PTP4A1: variants seen among roughly 807,000 people sequenced by gnomAD.
The protein encoded by PTP4A1 is protein tyrosine phosphatase 4A1.
A neutral mutation model predicts 20.5 loss-of-function variants in PTP4A1; 9 were observed. The ratio of observed to expected loss-of-function variants is 0.44; its 90% CI spans 0.26 to 0.77. PTP4A1 has a LOEUF of 0.77. Ranked by LOEUF, PTP4A1 falls within the 30% of genes least tolerant of loss-of-function variation. The probability of loss-of-function intolerance (pLI) is 0.19; values close to 1 mark genes in which losing one functional copy is unlikely to be tolerated. For missense variants in PTP4A1, 137 were observed against 218.8 expected (o/e 0.63, Z 2.36); for synonymous variants, 78 against 67.4 (o/e 1.16, Z -0.77).
At chr6:63,545,615 A>C (rs1451474265) in intron 2 of PTP4A1, among the ~76,000 whole-genome samples, 1 of 152,156 alleles carries the variant, frequency 6.6e-6, no homozygotes, top group Admixed American at 6.5e-5. Flanking sequence ...TGTCTCAAAA[A>C]AAAAAAGGAA....
intron 2 of PTP4A1, among the ~76,000 whole-genome samples, chr6:63,537,147 T>A (rs1775762157): frequency 6.6e-6 from 1 of 152,218 alleles, no homozygotes. Context: ...AGAATAATGT[T>A]CTTAACCATT....
In PTP4A1 at chr6:63,572,490, G is replaced by T. The variant is rs943637330; in HGVS notation, c.-675G>T. ...TTGTGACGCAAGGGCGCCTCGGCGC[G>T]TGTATTGGCTCCTTCGGCTGCGGGC... is the stretch of plus-strand genomic sequence containing the variant. On this transcript the variant is annotated 5_prime_UTR_variant, in exon 1 of 6. Transcript: ENST00000626021. 2 of 387,712 alleles carry T rather than the reference G, an allele frequency of 5.2e-6. No homozygotes were observed. Among genetic ancestry groups the T allele is most frequent in the Non-Finnish European group, 4.6e-6 (1 of 219,154 alleles). The allele number at this position is 387,712 out of a possible 1,614,324, so 24.0% of individuals were successfully genotyped here. A position where few individuals can be genotyped will look rare whatever the true frequency, so the allele number is the denominator to read the frequency against.
rs552930110 is a variant in PTP4A1 at position 63,565,072 on chromosome 6, A to G, written c.-445-11364A>G. Among the ~76,000 whole-genome samples, 3 of 152,238 alleles carry G rather than the reference A, an allele frequency of 2.0e-5. No individual in the cohort carries two copies. In the East Asian group the frequency reaches 5.8e-4, roughly 29 times the overall value. On this transcript the variant is annotated intron_variant, in intron 3 of 3. Transcript: ENST00000639568. ...GTTGCCCCAGATGGAGTGCAGTGGCATGATCACAGCTCACTGCAGCCCTAA... is the reference window on the plus strand; with the variant it reads ...GTTGCCCCAGATGGAGTGCAGTGGCGTGATCACAGCTCACTGCAGCCCTAA...
chr6:63,562,391 G>A (rs1048698433), intron 3 of PTP4A1, among the ~76,000 whole-genome samples: 24 of 151,758 alleles, frequency 1.6e-4, no homozygotes, highest in Non-Finnish European at 3.1e-4. Flanking sequence ...TAGAGACAGC[G>A]TTTCTCCATG....
chr6:63,579,229 CTATT>C (rs755656979), intron 4 of PTP4A1, 24 bp from the exon 5 acceptor site: 120 of 1,569,748 alleles, frequency 7.6e-5, no homozygotes, highest in Middle Eastern at 3.4e-4. Context: ...TTTGAAAAAA[CTATT>C]TATCAAAATT....
At chr6:63,567,880 C>G (rs531605046), upstream of PTP4A1, among the ~76,000 whole-genome samples, 2 of 152,364 alleles carry the variant, frequency 1.3e-5, no homozygotes, top group South Asian at 4.1e-4. Flanking sequence ...GCACTTACTG[C>G]TTCACCTTTC....
At chr6:63,540,842 CA>C (rs552657579) in intron 2 of PTP4A1, among the ~76,000 whole-genome samples, 179 of 132,738 alleles carry the variant, frequency 1.3e-3, no homozygotes, top group African/African-American at 2.2e-3. Flanking sequence ...GCTGAAAATA[CA>C]AAAAAAAAAA....
At chr6:63,573,828 T>A (rs911925780) in intron 1 of PTP4A1, among the ~76,000 whole-genome samples, 26 of 152,288 alleles carry the variant, frequency 1.7e-4, no homozygotes, top group Admixed American at 1.5e-3. Context: ...GGACTTCCCG[T>A]CCGGGCACCA....
Position 63,572,654 on chromosome 6 carries a change from T to C in PTP4A1, c.-511T>C. 2.4e-6 allele frequency: 1 copy of C among 411,886 alleles called. No individual in the cohort carries two copies. The highest frequency in any genetic ancestry group is 1.1e-4 in the South Asian group (1 of 9,182). The allele number at this position is 411,886 out of a possible 1,614,324, so 25.5% of individuals were successfully genotyped here. ...GCCCTGCAGCCACCGCCACCGCCTG[T>C]GTCGCCGCCGCCTCGGGACCGGCTG... On this transcript the variant is annotated 5_prime_UTR_variant, in exon 1 of 6. Transcript: ENST00000626021.
chr6:63,534,178 A>G (rs1363763658), intron 2 of PTP4A1, among the ~76,000 whole-genome samples: 1 of 152,154 alleles, frequency 6.6e-6, no homozygotes, highest in East Asian at 1.9e-4. Flanking sequence ...ACTGCCATTC[A>G]TCACAAATTG....
At chr6:63,549,038 A>C (rs1268490716) in intron 2 of PTP4A1, 2 of 726,448 alleles carry the variant, frequency 2.8e-6, no homozygotes, top group Admixed American at 3.8e-5. Context: ...CGTCGTGTGC[A>C]ATCACCACCG....
exon 3 of PTP4A1, chr6:63,550,314 C>T (rs1258139040): frequency 1.3e-5 from 2 of 152,098 alleles, no homozygotes; most frequent in African/African-American, 4.8e-5. Context: ...GTGTGCCCGC[C>T]CTCTCTTTCT....
At chr6:63,534,690 G>A (rs949391361) in intron 2 of PTP4A1, among the ~76,000 whole-genome samples, 1 of 151,586 alleles carries the variant, frequency 6.6e-6, no homozygotes, top group Non-Finnish European at 1.5e-5. Context: ...GCTCATGCCT[G>A]TAACCCCAGC....
Position 63,581,900 on chromosome 6 carries a change from A to G in PTP4A1, c.*1726A>G, listed in dbSNP as rs952170773. ...GTTAAGTTTCCTTTAATGATCCACA[A>G]TAATCCCTTTGATCACGTTAATCTA... is the stretch of plus-strand genomic sequence containing the variant. On this transcript the variant is annotated 3_prime_UTR_variant, in exon 6 of 6. Coordinates refer to ENST00000626021, the MANE Select transcript of PTP4A1 (RefSeq NM_003463.5). The G allele has an allele frequency of 6.6e-6, 1 of 152,190 alleles. No homozygotes were observed. The highest frequency in any genetic ancestry group is 2.4e-5 in the African/African-American group (1 of 41,476). The allele number at this position is 152,190 out of a possible 1,614,324, so 9.4% of individuals were successfully genotyped here.
At chr6:63,517,788 T>C (rs986800582), upstream of PTP4A1, among the ~76,000 whole-genome samples, 1 of 152,170 alleles carries the variant, frequency 6.6e-6, no homozygotes, top group East Asian at 1.9e-4. Flanking sequence ...ACACAGACTA[T>C]GTCCAAAATC....
rs539603824 is a variant in PTP4A1 at position 63,582,479 on chromosome 6, A to G, written c.*2305A>G. The G allele has an allele frequency of 6.5e-6, 1 of 152,734 alleles. No homozygotes were observed. The highest frequency in any genetic ancestry group is 2.1e-4 in the South Asian group (1 of 4,830). 9.5% of individuals were successfully genotyped at this position (152,734 alleles called of 1,614,324 possible). ...TTTGCTTTTTATCCAAATATTTTGT[A>G]TCTTGTAAATATGGCTAATTATAGG... On this transcript the variant is annotated 3_prime_UTR_variant, in exon 6 of 6. Transcript: ENST00000626021.
Position 63,580,310 on chromosome 6 carries a change from C to A in PTP4A1, c.*136C>A. 1 of 707,524 alleles carries A rather than the reference C, an allele frequency of 1.4e-6. No individual in the cohort carries two copies. Among genetic ancestry groups the A allele is most frequent in the Non-Finnish European group, 2.4e-6 (1 of 418,418 alleles). The allele number at this position is 707,524 out of a possible 1,614,324, so 43.8% of individuals were successfully genotyped here. On this transcript the variant is annotated 3_prime_UTR_variant, in exon 6 of 6. Transcript: ENST00000626021. Reference sequence around the variant, plus strand: ...ATTGAAAGGCAGTTTTACCAGGCCTCAAGCTAGACAGATTTGGCAACCTCT... The same window carrying A: ...ATTGAAAGGCAGTTTTACCAGGCCTAAAGCTAGACAGATTTGGCAACCTCT...
At chr6:63,533,745 T>C (rs1356845617) in intron 2 of PTP4A1, among the ~76,000 whole-genome samples, 1 of 152,132 alleles carries the variant, frequency 6.6e-6, no homozygotes, top group Non-Finnish European at 1.5e-5. Context: ...TAATGAGCAA[T>C]AGCATTGAGA....
At chr6:63,531,931 G>A (rs1372143888) in intron 2 of PTP4A1, among the ~76,000 whole-genome samples, 5 of 151,704 alleles carry the variant, frequency 3.3e-5, no homozygotes, top group Non-Finnish European at 7.4e-5. Flanking sequence ...CTCCCGAGTA[G>A]CTGGAATTAC....
Sources: allele counts gnomAD v4.1 joint callset (sites outside exome capture counted in the v4.1 genomes callset), GRCh38; gene constraint gnomAD v4.1.1; transcripts MANE v1.5; gene names NCBI Gene and HGNC (gene_info 2026-07-23, HGNC 2026-07-21).